ANKRD30BL: variants seen among roughly 807,000 people sequenced by gnomAD.
ANKRD30BL encodes the protein putative ankyrin repeat domain-containing protein 30B-like.
In ANKRD30BL, 20 loss-of-function variants were observed where a neutral mutation model predicts 18.4. The ratio of observed to expected loss-of-function variants is 1.09; its 90% CI spans 0.77 to 1.58. The LOEUF is 1.58. Among genes scored for constraint, ANKRD30BL ranks in the 40% most tolerant of loss-of-function variants. The probability of loss-of-function intolerance (pLI) is 0.00; values close to 1 mark genes in which losing one functional copy is unlikely to be tolerated. For missense variants in ANKRD30BL, 224 were observed against 268.6 expected, an observed-to-expected ratio of 0.83 and a Z score of 1.16; for synonymous variants, 72 against 100.9, an observed-to-expected ratio of 0.71 and a Z score of 1.72.
chr2:132,179,303 T>A (rs1688418331), intron 1 of ANKRD30BL, among the ~76,000 whole-genome samples: 1 of 151,850 alleles, frequency 6.6e-6, no homozygotes, highest in South Asian at 2.1e-4. Context: ...TTTTTTTTTT[T>A]TTGAGATGGA....
intron 1 of ANKRD30BL, among the ~76,000 whole-genome samples, chr2:132,181,143 C>CA (rs974071573): frequency 1.3e-5 from 2 of 150,528 alleles, no homozygotes; most frequent in Non-Finnish European, 3.0e-5. Flanking sequence ...GACTCCGTCT[C>CA]AAAAAAAGAA....
At chr2:132,203,278 C>T (rs559140475) in intron 1 of ANKRD30BL, among the ~76,000 whole-genome samples, 15 of 152,392 alleles carry the variant, frequency 9.8e-5, no homozygotes, top group African/African-American at 3.4e-4. Context: ...CATTAGGGAT[C>T]TTCTTTATAA....
chr2:132,225,400 C>A (rs1209692088), intron 1 of ANKRD30BL, among the ~76,000 whole-genome samples: 2 of 151,076 alleles, frequency 1.3e-5, no homozygotes, highest in Non-Finnish European at 3.0e-5. Context: ...TTGAACATAC[C>A]TTATGATAGA....
At chr2:132,254,292 G>A (rs75411580) in intron 1 of ANKRD30BL, among the ~76,000 whole-genome samples, 2 of 152,176 alleles carry the variant, frequency 1.3e-5, no homozygotes, top group Non-Finnish European at 2.9e-5. Flanking sequence ...AGGGGAACAC[G>A]GTCAGCCAAG....
At chr2:132,185,298 C>G (rs887967946) in intron 1 of ANKRD30BL, among the ~76,000 whole-genome samples, 1 of 152,178 alleles carries the variant, frequency 6.6e-6, no homozygotes, top group Non-Finnish European at 1.5e-5. Context: ...CAGCAATTCT[C>G]AATTCTCACC....
intron 1 of ANKRD30BL, among the ~76,000 whole-genome samples, chr2:132,168,899 A>T (rs1307424285): frequency 1.0e-5 from 1 of 97,890 alleles, no homozygotes; most frequent in African/African-American, 5.4e-5. Flanking sequence ...AAGAAAAATA[A>T]GAAAAAAAAA....
intron 1 of ANKRD30BL, among the ~76,000 whole-genome samples, chr2:132,256,580 GC>G (rs1334230011): frequency 6.6e-6 from 1 of 152,228 alleles, no homozygotes; most frequent in Non-Finnish European, 1.5e-5. Context: ...GCCCCTCGCG[GC>G]ACCTGGAGCG....
chr2:132,249,547 G>C (rs10153613), intron 1 of ANKRD30BL, among the ~76,000 whole-genome samples: 1 of 149,750 alleles, frequency 6.7e-6, no homozygotes, highest in African/African-American at 2.5e-5. Context: ...TGTTACCAAA[G>C]TGCTCAATCA....
chr2:132,161,332 G>A (rs1479142956), intron 1 of ANKRD30BL, among the ~76,000 whole-genome samples, 156 bp downstream of exon 1: 1 of 152,092 alleles, frequency 6.6e-6, no homozygotes, highest in East Asian at 1.9e-4. Context: ...CCGGGAAGAA[G>A]GCCAAGACCT....
chr2:132,184,079 AT>A (rs907931002), intron 1 of ANKRD30BL, among the ~76,000 whole-genome samples: 67 of 146,852 alleles, frequency 4.6e-4, no homozygotes, highest in South Asian at 1.5e-3. Context: ...AGGAATCAAG[AT>A]TTTTTTTTTT....
chr2:132,160,669 C>T (rs529717633), intron 1 of ANKRD30BL, among the ~76,000 whole-genome samples: 1 of 151,910 alleles, frequency 6.6e-6, no homozygotes, highest in Admixed American at 6.6e-5. Context: ...ACCTCATGAT[C>T]CACCCACCTC....
intron 1 of ANKRD30BL, among the ~76,000 whole-genome samples, chr2:132,174,730 T>C (rs1383698334): frequency 1.3e-5 from 2 of 152,230 alleles, no homozygotes; most frequent in Non-Finnish European, 2.9e-5. Context: ...GTAACTTCTA[T>C]CTCTTTGGAA....
chr2:132,151,245 A>C (rs1400040373), intron 4 of ANKRD30BL, among the ~76,000 whole-genome samples: 4 of 152,126 alleles, frequency 2.6e-5, no homozygotes, highest in Non-Finnish European at 5.9e-5. Flanking sequence ...AATGTCCTTA[A>C]CTCGGAATAA....
In ANKRD30BL at chr2:132,224,408, T is replaced by C. The variant is rs562713644; in HGVS notation, n.441+33121A>G. ...CATTTCATAGAGCCTTTTGAAACACTCTTTGTAGAATCTGCAAGTGGATAT... is the reference window on the plus strand; with the variant it reads ...CATTTCATAGAGCCTTTTGAAACACCCTTTGTAGAATCTGCAAGTGGATAT... On this transcript the variant is annotated intron_variant and non_coding_transcript_variant, in intron 1 of 4. Transcript: ENST00000470729. Among the ~76,000 whole-genome samples the C allele has an allele frequency of 2.2e-3, 338 of 152,108 alleles. 1 individual carries two copies. Among genetic ancestry groups the C allele is most frequent in the African/African-American group, 7.7e-3 (320 of 41,516 alleles).
At chr2:132,230,029 G>A (rs566793511) in intron 1 of ANKRD30BL, among the ~76,000 whole-genome samples, 11 of 152,198 alleles carry the variant, frequency 7.2e-5, no homozygotes, top group South Asian at 6.2e-4. Flanking sequence ...AACTCACAGC[G>A]TTGAAACTTT....
intron 1 of ANKRD30BL, among the ~76,000 whole-genome samples, chr2:132,226,445 T>C (rs939954041): frequency 2.0e-5 from 3 of 148,316 alleles, no homozygotes; most frequent in South Asian, 2.1e-4. Flanking sequence ...GATTGAGCAG[T>C]TTACAGACAC....
chr2:132,147,732 G>C lies in ANKRD30BL; in HGVS notation c.*399C>G, dbSNP rs1687641396. On this transcript the variant is annotated 3_prime_UTR_variant, in exon 6 of 6. Transcript: ENST00000409867. Reference sequence around the variant, plus strand: ...CTACTGTTGTGTCTTTTCCCTATTGGATAGGGTTGGACTGCACACTCTAAG... The same window carrying C: ...CTACTGTTGTGTCTTTTCCCTATTGCATAGGGTTGGACTGCACACTCTAAG... 1 of 174,842 alleles carries C rather than the reference G, an allele frequency of 5.7e-6. No individual in the cohort carries two copies. The highest frequency in any genetic ancestry group is 1.2e-5 in the Non-Finnish European group (1 of 80,506). 10.8% of individuals were successfully genotyped at this position (174,842 alleles called of 1,614,324 possible). A position where few individuals can be genotyped will look rare whatever the true frequency, so the allele number is the denominator to read the frequency against.
chr2:132,253,520 C>G (rs75702492), intron 1 of ANKRD30BL, among the ~76,000 whole-genome samples: 1 of 152,098 alleles, frequency 6.6e-6, no homozygotes, highest in Non-Finnish European at 1.5e-5. Flanking sequence ...GGGTTCCCGC[C>G]CCCACAGAGC....
At chr2:132,183,484 A>C (rs200359613) in intron 1 of ANKRD30BL, among the ~76,000 whole-genome samples, 14 of 152,120 alleles carry the variant, frequency 9.2e-5, no homozygotes, top group Non-Finnish European at 4.4e-5. Flanking sequence ...TGAGCTGTAA[A>C]GTTAAGTAGT....
Sources: gnomAD v4.1 joint callset for allele counts (sites outside exome capture counted in the v4.1 genomes callset) on GRCh38, gnomAD v4.1.1 for gene constraint, MANE v1.5 for transcripts, NCBI Gene and HGNC (gene_info 2026-07-23, HGNC 2026-07-21) for gene names.